MAGI2: variants seen among roughly 807,000 people sequenced by gnomAD.
The protein encoded by MAGI2 is membrane-associated guanylate kinase, WW and PDZ domain-containing protein 2.
A neutral mutation model predicts 133.3 loss-of-function variants in MAGI2; 35 were observed. The observed-to-expected ratio is 0.26, with a 90% CI of 0.20 to 0.35. MAGI2 has a LOEUF of 0.35. MAGI2 is among the 10% of genes least tolerant of loss of function. The pLI is 1.00. For missense variants in MAGI2, 1,636 were observed against 1,863.4 expected (o/e 0.88, Z 2.25); for synonymous variants, 729 against 710.6 (o/e 1.03, Z -0.41).
At chr7:79,332,009 G>A (rs912492789) in intron 1 of MAGI2, among the ~76,000 whole-genome samples, 4 of 151,636 alleles carry the variant, frequency 2.6e-5, no homozygotes, top group East Asian at 1.9e-4. Flanking sequence ...GTAACAAAAA[G>A]GTAGCATTTT....
At chr7:79,046,738 C>A (rs562721964) in intron 1 of MAGI2, among the ~76,000 whole-genome samples, 2 of 152,266 alleles carry the variant, frequency 1.3e-5, no homozygotes, top group Admixed American at 6.5e-5. Flanking sequence ...TCTTGTAAAT[C>A]AGGATTTACT....
At chr7:78,198,357 G>T (rs1300853823) in intron 11 of MAGI2, among the ~76,000 whole-genome samples, 1 of 151,712 alleles carries the variant, frequency 6.6e-6, no homozygotes, top group East Asian at 1.9e-4. Context: ...ATATCAGTGA[G>T]CAGCCTGGAT....
At chr7:78,564,783 C>CTTTTTTTTTTTTTTTTTTTTTTTTTTT (rs35069216) in intron 3 of MAGI2, among the ~76,000 whole-genome samples, 1 of 64,318 alleles carries the variant, frequency 1.6e-5, no homozygotes, top group Non-Finnish European at 2.8e-5. Context: ...CTTTGACATT[C>CTTTTTTTTTTTTTTTTTTTTTTTTTTT]TTTTTTTTTT....
At chr7:79,070,895 C>T (rs1814898036) in intron 1 of MAGI2, among the ~76,000 whole-genome samples, 1 of 152,148 alleles carries the variant, frequency 6.6e-6, no homozygotes, top group South Asian at 2.1e-4. Context: ...GAACATGCTC[C>T]TCTAGCTCAG....
At chr7:79,044,299 A>G (rs754441564) in intron 1 of MAGI2, among the ~76,000 whole-genome samples, 7 of 152,226 alleles carry the variant, frequency 4.6e-5, no homozygotes, top group South Asian at 4.1e-4. Flanking sequence ...AATAAATGTG[A>G]TACATTGCAT....
Position 79,067,530 on chromosome 7 carries a change from T to C in MAGI2, c.302-60324A>G, listed in dbSNP as rs527833950. Among the ~76,000 whole-genome samples the C allele has an allele frequency of 1.6e-4, 24 of 152,298 alleles. No individual in the cohort carries two copies. The South Asian group carries it at 5.0e-3, about 32-fold the overall frequency. ...CTGAGATGATGGGGTTTTCTAAATA[T>C]ACAATCATGTCAACTGCAAACAGAG... On this transcript the variant is annotated intron_variant, in intron 1 of 21. Coordinates refer to ENST00000354212, the MANE Select transcript of MAGI2 (RefSeq NM_012301.4).
At chr7:78,076,429 A>C (rs1218884121) in intron 21 of MAGI2, among the ~76,000 whole-genome samples, 1 of 143,476 alleles carries the variant, frequency 7.0e-6, no homozygotes, top group Non-Finnish European at 1.5e-5. Flanking sequence ...ACTCCACTCC[A>C]GTCTGGGCGA....
chr7:78,769,202 G>A (rs1393241696), intron 2 of MAGI2, among the ~76,000 whole-genome samples: 8 of 151,990 alleles, frequency 5.3e-5, no homozygotes, highest in African/African-American at 2.4e-5. Context: ...GGGAAAACAT[G>A]ATAAGATACA....
intron 4 of MAGI2, among the ~76,000 whole-genome samples, chr7:78,519,423 C>T (rs1479097490): frequency 1.3e-5 from 2 of 152,110 alleles, no homozygotes; most frequent in African/African-American, 2.4e-5. Flanking sequence ...GGCCACTTGT[C>T]CAGCAGGCTT....
intron 1 of MAGI2, among the ~76,000 whole-genome samples, chr7:79,143,021 C>A (rs568323324): frequency 1.1e-4 from 16 of 152,176 alleles, no homozygotes; most frequent in African/African-American, 3.6e-4. Context: ...TTTATAAAAG[C>A]CTTTTGCAGT....
intron 21 of MAGI2, among the ~76,000 whole-genome samples, chr7:78,031,996 C>T (rs915313655): frequency 1.5e-5 from 2 of 132,646 alleles, no homozygotes; most frequent in Non-Finnish European, 3.2e-5. Context: ...CCCCAGGGGA[C>T]AAAGCCCCCC....
chr7:78,467,347 G>A (rs186584749), intron 6 of MAGI2, among the ~76,000 whole-genome samples: 103 of 152,144 alleles, frequency 6.8e-4, no homozygotes, highest in Non-Finnish European at 1.1e-3. Context: ...GGCTGTCCCT[G>A]GTGAAAACAG....
intron 1 of MAGI2, chr7:79,125,167 A>T (rs182734779): frequency 1.5e-3 from 520 of 339,732 alleles, no homozygotes; most frequent in Non-Finnish European, 2.6e-3. Context: ...TGGTAAGAAA[A>T]GGGGCTTTGG....
chr7:78,577,295 A>G (rs1168195581), intron 3 of MAGI2, among the ~76,000 whole-genome samples: 1 of 152,202 alleles, frequency 6.6e-6, no homozygotes, highest in African/African-American at 2.4e-5. Flanking sequence ...ATGAAAATTC[A>G]TATCTCTGTT....
chr7:78,319,046 A>G (rs1787717905), intron 9 of MAGI2, among the ~76,000 whole-genome samples: 1 of 152,226 alleles, frequency 6.6e-6, no homozygotes, highest in African/African-American at 2.4e-5. Flanking sequence ...TGCTATGAAG[A>G]AACTGCATCA....
At chr7:78,270,913 T>C (rs1053935508) in intron 9 of MAGI2, among the ~76,000 whole-genome samples, 10 of 151,952 alleles carry the variant, frequency 6.6e-5, no homozygotes, top group Middle Eastern at 3.4e-3. Flanking sequence ...TTGCAAACAG[T>C]GATAATTTGA....
At chr7:78,716,994 A>G (rs939309028) in intron 2 of MAGI2, among the ~76,000 whole-genome samples, 1 of 152,094 alleles carries the variant, frequency 6.6e-6, no homozygotes, top group Non-Finnish European at 1.5e-5. Flanking sequence ...GTGAAGAAAC[A>G]TCTTGTGGGA....
chr7:79,351,244 T>G (rs1563142622), intron 1 of MAGI2, among the ~76,000 whole-genome samples: 1 of 152,270 alleles, frequency 6.6e-6, no homozygotes, highest in East Asian at 1.9e-4. Flanking sequence ...TACACTAAAT[T>G]AAGTAGGATT....
chr7:78,497,723 T>TCTAC (rs1360931829), intron 5 of MAGI2, among the ~76,000 whole-genome samples: 3 of 38,702 alleles, frequency 7.8e-5, no homozygotes, highest in African/African-American at 2.6e-4. Context: ...AAATAACTAT[T>TCTAC]CTATCTATCT....
Sources: allele counts gnomAD v4.1 joint callset (sites outside exome capture counted in the v4.1 genomes callset), GRCh38; gene constraint gnomAD v4.1.1; transcripts MANE v1.5; gene names NCBI Gene and HGNC (gene_info 2026-07-23, HGNC 2026-07-21).